TENM1: variants seen among roughly 807,000 people sequenced by gnomAD.
The protein encoded by TENM1 is teneurin transmembrane protein 1.
Under a neutral mutation model 174.8 loss-of-function variants are expected in TENM1, and 35 were observed. The ratio of observed to expected loss-of-function variants is 0.20; its 90% CI spans 0.15 to 0.27. The LOEUF (loss-of-function observed/expected upper bound fraction) is 0.27. Among genes scored for constraint, TENM1 ranks in the 10% least tolerant of loss-of-function variants. The pLI is 1.00. For synonymous variants in TENM1, 781 were observed against 798.7 expected (o/e 0.98, Z 0.37); for missense variants, 1,633 against 2,130.1 (o/e 0.77, Z 4.59).
intron 4 of TENM1, among the ~76,000 whole-genome samples, chrX:124,719,869 C>T (rs1017618031): frequency 1.8e-5 from 2 of 112,034 alleles, no homozygotes; most frequent in Non-Finnish European, 3.8e-5. Flanking sequence ...CACGGATTCA[C>T]GGGGTGCAGT....
intron 5 of TENM1, among the ~76,000 whole-genome samples, chrX:124,700,307 T>G (rs1427387685): frequency 1.8e-5 from 2 of 111,646 alleles, no homozygotes; most frequent in Non-Finnish European, 3.8e-5. Context: ...TTGTTTTAGA[T>G]GACTTTGGAA....
At chrX:124,423,036 A>G (rs1425908836) in intron 23 of TENM1, among the ~76,000 whole-genome samples, 1 of 112,006 alleles carries the variant, frequency 8.9e-6, no homozygotes, top group African/African-American at 3.2e-5. Flanking sequence ...TGTTTTGCCA[A>G]GGTGATTCTG....
chrX:125,162,566 T>G, the TENM1 span, among the ~76,000 whole-genome samples: 1 of 112,151 alleles, frequency 8.9e-6, no homozygotes, highest in Non-Finnish European at 1.9e-5. Context: ...TTCTGAAACA[T>G]TAAATTGTCC....
chrX:124,823,209 T>G (rs2147301028), intron 3 of TENM1, among the ~76,000 whole-genome samples: 1 of 112,263 alleles, frequency 8.9e-6, no homozygotes, highest in Non-Finnish European at 1.9e-5. Context: ...CATGTTATAT[T>G]TGGTACTAAA....
chrX:124,458,646 T>G (rs2061135186), intron 22 of TENM1, among the ~76,000 whole-genome samples: 1 of 112,754 alleles, frequency 8.9e-6, no homozygotes, highest in Admixed American at 9.4e-5. Flanking sequence ...GAATGTCTTA[T>G]TTTGATTACT....
At chrX:125,001,972 CAA>C in the TENM1 span, among the ~76,000 whole-genome samples, 5 of 85,746 alleles carry the variant, frequency 5.8e-5, no homozygotes, top group Admixed American at 1.3e-4. Context: ...CACACACACA[CAA>C]GATCAAGTCA....
At chrX:124,996,117 T>C in the TENM1 span, among the ~76,000 whole-genome samples, 2 of 111,720 alleles carry the variant, frequency 1.8e-5, no homozygotes, top group Admixed American at 1.9e-4. Flanking sequence ...GGACTTTTAA[T>C]AGTGAAATCT....
intron 1 of TENM1, among the ~76,000 whole-genome samples, chrX:124,928,178 CT>C (rs1333525519): frequency 8.9e-6 from 1 of 112,100 alleles, no homozygotes; most frequent in African/African-American, 3.2e-5. Flanking sequence ...CATTTTCTTA[CT>C]TTAGTTTGTT....
At position 124,422,239 on chromosome X, in the gene TENM1, G is replaced by T. The variant is rs374625382; in HGVS notation, c.4471+33C>A. ...CACGTTTTTCTTTTCAAAACAGAGA[G>T]GGGAAGCTGGTGAATTGCTAAAAAG... On this transcript the variant is annotated intron_variant, in intron 24 of 31. Coordinates refer to ENST00000422452, the Ensembl canonical transcript of TENM1. 5 of 1,179,218 alleles carry T rather than the reference G, an allele frequency of 4.2e-6. No individual in the cohort carries two copies. In the African/African-American group the frequency reaches 8.8e-5, roughly 21 times the overall value.
intron 3 of TENM1, among the ~76,000 whole-genome samples, chrX:124,832,816 C>T (rs963519073): frequency 2.7e-5 from 3 of 112,066 alleles, no homozygotes; most frequent in Middle Eastern, 4.2e-3. Context: ...CTCAAGAGAT[C>T]CTCCCGCCTT....
intron 8 of TENM1, among the ~76,000 whole-genome samples, chrX:124,651,349 A>T (rs2051304795): frequency 8.9e-6 from 1 of 111,799 alleles, no homozygotes; most frequent in South Asian, 3.8e-4. Context: ...CCCTGAGCAC[A>T]CTGAAAGAGA....
chrX:124,969,715 A>G, the TENM1 span, among the ~76,000 whole-genome samples: 1 of 111,746 alleles, frequency 8.9e-6, no homozygotes, highest in Non-Finnish European at 1.9e-5. Flanking sequence ...TGAGATTTCA[A>G]TTCCTACAGT....
chrX:125,006,978 T>C, the TENM1 span, among the ~76,000 whole-genome samples: 1 of 111,438 alleles, frequency 9.0e-6, no homozygotes, highest in East Asian at 2.8e-4. Flanking sequence ...CTCCTCCAAA[T>C]GATTGCAACA....
At chrX:125,011,423 A>T in the TENM1 span, among the ~76,000 whole-genome samples, 2 of 111,996 alleles carry the variant, frequency 1.8e-5, no homozygotes, top group Non-Finnish European at 3.8e-5. Context: ...AAATTTTTGC[A>T]ATCTACCTAT....
At chrX:124,801,595 A>C (rs773426593) in intron 3 of TENM1, among the ~76,000 whole-genome samples, 17 of 111,816 alleles carry the variant, frequency 1.5e-4, no homozygotes, top group Admixed American at 1.4e-3. Flanking sequence ...ATTTAAGGTT[A>C]ATATTGTTAT....
At chrX:125,052,818 A>G in the TENM1 span, among the ~76,000 whole-genome samples, 1 of 112,475 alleles carries the variant, frequency 8.9e-6, no homozygotes, top group Non-Finnish European at 1.9e-5. Context: ...AGAAAACGGA[A>G]GTAGTGAAAT....
At chrX:124,790,571 A>G (rs2055156660) in intron 3 of TENM1, among the ~76,000 whole-genome samples, 1 of 112,135 alleles carries the variant, frequency 8.9e-6, no homozygotes, top group Non-Finnish European at 1.9e-5. Context: ...TACTTCTCCA[A>G]TAACTTTTTA....
chrX:124,975,448 T>C, the TENM1 span, among the ~76,000 whole-genome samples: 9 of 112,051 alleles, frequency 8.0e-5, no homozygotes, highest in Admixed American at 8.6e-4. Flanking sequence ...TAATACAGTA[T>C]CTTGAAAAGT....
chrX:124,543,527 T>C (rs1035281482), intron 15 of TENM1, among the ~76,000 whole-genome samples: 5 of 112,312 alleles, frequency 4.5e-5, no homozygotes, highest in African/African-American at 9.7e-5. Flanking sequence ...TTTAGTTTAA[T>C]GTACTCCTGC....
Sources: gnomAD v4.1 joint callset for allele counts (sites outside exome capture counted in the v4.1 genomes callset) on GRCh38, gnomAD v4.1.1 for gene constraint, MANE v1.5 for transcripts, NCBI Gene and HGNC (gene_info 2026-07-23, HGNC 2026-07-21) for gene names.